Variants in OARD1 observed in about 807,000 individuals in gnomAD.
OARD1 encodes ADP-ribose glycohydrolase OARD1.
OARD1 carries 19 observed loss-of-function variants against 19.7 expected under a neutral mutation model. The observed-to-expected ratio is 0.96, with a 90% confidence interval of 0.67 to 1.41. The LOEUF (loss-of-function observed/expected upper bound fraction) is 1.41. OARD1 is among the 40% of genes most tolerant of loss of function. OARD1 has a pLI of 0.00. For missense variants in OARD1, 190 were observed against 183.8 expected (o/e 1.03, Z -0.20); for synonymous variants, 70 against 61.8 (o/e 1.13, Z -0.62).
At chr6:41,093,693 A>ACT (rs772653842) in intron 1 of OARD1, among the ~76,000 whole-genome samples, 10 of 152,004 alleles carry the variant, frequency 6.6e-5, no homozygotes, top group African/African-American at 2.4e-4. Flanking sequence ...CTGGTCTCGA[A>ACT]CTCCTGACCT....
rs569500451 is a variant in OARD1, at chr6:41,097,283, G to A, written c.-42+430C>T. On this transcript the variant is annotated intron_variant, in intron 1 of 4. Transcript: ENST00000480585. ...AAAGTTATGTGTATTCTCTTGGGGG[G>A]ATAAGTAGTGAGAGCCATGAGTTCC... The A allele has an allele frequency of 2.2e-5, 30 of 1,340,268 alleles. No individual in the cohort carries two copies. In the African/African-American group the frequency reaches 3.9e-4, roughly 17 times the overall value. 83.0% of individuals were successfully genotyped at this position (1,340,268 alleles called of 1,614,324 possible).
chr6:41,070,246 A>C, intron 3 of OARD1, 112 bp from the exon 4 acceptor site: 1 of 686,978 alleles, frequency 1.5e-6, no homozygotes, highest in South Asian at 1.8e-5. Flanking sequence ...AATTTTCAAC[A>C]CTGAAGAAGG....
chr6:41,073,665 C>A (rs902672497), upstream of OARD1, among the ~76,000 whole-genome samples: 1 of 152,052 alleles, frequency 6.6e-6, no homozygotes, highest in Non-Finnish European at 1.5e-5. Context: ...CGCGGGGTCC[C>A]GTGTGCGGCT....
At chr6:41,071,304 T>C (rs779826589) in intron 2 of OARD1, 28 bp from the exon 3 acceptor site, 2 of 1,606,782 alleles carry the variant, frequency 1.2e-6, no homozygotes, top group South Asian at 1.1e-5. Context: ...GAAAAGACAA[T>C]GTTTTATTAG....
Position 41,064,857 on chromosome 6 carries a change from A to G in OARD1, c.*2478T>C, listed in dbSNP as rs1486504321. The G allele has an allele frequency of 6.6e-6, 1 of 152,202 alleles. No homozygotes were observed. Among genetic ancestry groups the G allele is most frequent in the Admixed American group, 6.5e-5 (1 of 15,286 alleles). The allele number at this position is 152,202 out of a possible 1,614,324, so 9.4% of individuals were successfully genotyped here. On this transcript the variant is annotated 3_prime_UTR_variant, in exon 6 of 6. Coordinates refer to ENST00000424266, the MANE Select transcript of OARD1 (RefSeq NM_001329686.2). ...AATGTTCAGATATACAATCATTTAA[A>G]AGTATTCAATACATGGTGTTTGATG...
intron 1 of OARD1, among the ~76,000 whole-genome samples, chr6:41,092,454 C>G (rs1764221477): frequency 6.6e-6 from 1 of 152,130 alleles, no homozygotes; most frequent in South Asian, 2.1e-4. Context: ...GGGTACAGGA[C>G]TCTGTTACTT....
At chr6:41,085,735 T>C (rs1369608234) in intron 1 of OARD1, among the ~76,000 whole-genome samples, 2 of 148,248 alleles carry the variant, frequency 1.3e-5, no homozygotes, top group East Asian at 3.9e-4. Flanking sequence ...GTACCATGCA[T>C]GTGGGGTTGT....
Position 41,070,973 on chromosome 6 carries a change from AT to A in OARD1, c.184+158del, listed in dbSNP as rs1763310290. The A allele has an allele frequency of 8.4e-6, 6 of 710,398 alleles. No homozygotes were observed. The Admixed American group carries it at 1.0e-4, about 12-fold the overall frequency. The allele number at this position is 710,398 out of a possible 1,614,324, so 44.0% of individuals were successfully genotyped here. On this transcript the variant is annotated intron_variant, in intron 3 of 5. Coordinates refer to ENST00000424266, the MANE Select transcript of OARD1 (RefSeq NM_001329686.2). ...ACCTTCACAGGAGTTGGGTTTTGAT[AT>A]GGTAAACGTCTAAACTAGAGGCCAT...
rs1472613558 is a variant in OARD1, at chr6:41,065,586, C to A, written c.*1749G>T. On this transcript the variant is annotated 3_prime_UTR_variant, in exon 6 of 6. Transcript: ENST00000424266. Reference sequence around the variant, plus strand: ...AAAAGCAATGCTTCAAGAAAAGCCTCAATCTAAAAGTTTGATAATGAACTT... The same window carrying A: ...AAAAGCAATGCTTCAAGAAAAGCCTAAATCTAAAAGTTTGATAATGAACTT... The A allele has an allele frequency of 6.6e-6, 1 of 152,216 alleles. No homozygotes were observed. The highest frequency in any genetic ancestry group is 1.5e-5 in the Non-Finnish European group (1 of 68,036). 9.4% of individuals were successfully genotyped at this position (152,216 alleles called of 1,614,324 possible).
At chr6:41,079,081 G>A in intron 1 of OARD1, 3 of 1,613,900 alleles carry the variant, frequency 1.9e-6, no homozygotes, top group Non-Finnish European at 2.5e-6. Context: ...AATCTCACTT[G>A]GAGGGACCAT....
chr6:41,084,790 C>T (rs1763996945), intron 1 of OARD1, among the ~76,000 whole-genome samples: 1 of 152,158 alleles, frequency 6.6e-6, no homozygotes, highest in Admixed American at 6.5e-5. Context: ...TGACAAAACC[C>T]CATCTCTACT....
At chr6:41,092,382 ATAATTTT>A (rs546731725) in intron 1 of OARD1, among the ~76,000 whole-genome samples, 2 of 152,360 alleles carry the variant, frequency 1.3e-5, no homozygotes, top group African/African-American at 4.8e-5. Context: ...TGAAAAATAA[ATAATTTT>A]TATAAAAGAT....
Position 41,097,203 on chromosome 6 carries a change from C to T in OARD1, c.-42+510G>A, listed in dbSNP as rs112044380. On this transcript the variant is annotated intron_variant, in intron 1 of 4. Coordinates refer to the OARD1 transcript ENST00000480585. ...TCTCTTCTTTCCTAATGGGGCTACA[C>T]TTTAAGCCATGTATGCAGACTTAAG... is the stretch of plus-strand genomic sequence containing the variant. 3.9e-3 allele frequency among the ~76,000 whole-genome samples: 594 copies of T among 152,336 alleles called. 2 individuals carry two copies. Among genetic ancestry groups the T allele is most frequent in the South Asian group, 7.9e-3 (38 of 4,828 alleles).
intron 3 of OARD1, 88 bp from the exon 4 acceptor site, chr6:41,070,222 T>A (rs1582003491): frequency 2.6e-6 from 2 of 775,404 alleles, no homozygotes; most frequent in Non-Finnish European, 4.4e-6. Flanking sequence ...GATCTGAGTT[T>A]ACCTCAGAAC....
In OARD1 at chr6:41,067,317, T is replaced by C. The variant is rs1463515991; in HGVS notation, c.*18A>G. The C allele has an allele frequency of 6.5e-6, 10 of 1,538,986 alleles. No homozygotes were observed. Among genetic ancestry groups the C allele is most frequent in the Admixed American group, 3.4e-5 (2 of 59,468 alleles). On this transcript the variant is annotated 3_prime_UTR_variant, in exon 6 of 6. Coordinates refer to ENST00000424266, the MANE Select transcript of OARD1 (RefSeq NM_001329686.2). The stretch of plus-strand genomic sequence containing the variant: ...GATGACACAGGAGAACACGGAAACA[T>C]CCAAAATGTTCACTGGTTCAGAGTG...
At chr6:41,076,415 C>T (rs913382546), upstream of OARD1, among the ~76,000 whole-genome samples, 19 of 152,160 alleles carry the variant, frequency 1.2e-4, no homozygotes, top group African/African-American at 4.3e-4. Flanking sequence ...TAAAAAGCTA[C>T]TGTTCTAGGC....
At chr6:41,088,621 T>C (rs1389056014) in intron 1 of OARD1, among the ~76,000 whole-genome samples, 3 of 151,944 alleles carry the variant, frequency 2.0e-5, no homozygotes, top group African/African-American at 7.3e-5. Context: ...ACTCGCTCTG[T>C]TGCCTAGGCT....
At chr6:41,075,709 A>AG, upstream of OARD1, 1 of 144,298 alleles carries the variant, frequency 6.9e-6, no homozygotes, top group Middle Eastern at 3.5e-3. Flanking sequence ...CTGATAGCAA[A>AG]GAAAAAAAAA....
At chr6:41,089,541 A>G in intron 1 of OARD1, 1 of 1,549,830 alleles carries the variant, frequency 6.5e-7, no homozygotes, top group Non-Finnish European at 8.7e-7. Context: ...GACCAGTGTC[A>G]GTAGAGTACA....
Sources: gnomAD v4.1 joint callset for allele counts (sites outside exome capture counted in the v4.1 genomes callset) on GRCh38, gnomAD v4.1.1 for gene constraint, MANE v1.5 for transcripts, NCBI Gene and HGNC (gene_info 2026-07-23, HGNC 2026-07-21) for gene names.